The following TGFBRAP1 variants were observed in gnomAD, a reference collection of about 807,000 sequenced individuals.
TGFBRAP1 encodes the protein transforming growth factor-beta receptor-associated protein 1.
In TGFBRAP1, 20 loss-of-function variants were observed where a neutral mutation model predicts 83.2. The observed-to-expected ratio is 0.24, with a 90% CI of 0.17 to 0.35. The LOEUF (loss-of-function observed/expected upper bound fraction) is 0.35, where lower values mean the gene tolerates loss of function less well. Ranked by LOEUF, TGFBRAP1 falls within the 10% of genes least tolerant of loss-of-function variation. The probability of loss-of-function intolerance (pLI) is 1.00; values close to 1 mark genes in which losing one functional copy is unlikely to be tolerated. For synonymous variants in TGFBRAP1, 415 were observed against 459.8 expected, an observed-to-expected ratio of 0.90 and a Z score of 1.25; for missense variants, 950 against 1,099.4, an observed-to-expected ratio of 0.86 and a Z score of 1.92.
chr2:105,270,044 C>G (rs899070235), intron 10 of TGFBRAP1, among the ~76,000 whole-genome samples: 8 of 152,176 alleles, frequency 5.3e-5, no homozygotes, highest in African/African-American at 1.9e-4. Flanking sequence ...GGTCTCCAGT[C>G]ACTCCATCAT....
intron 1 of TGFBRAP1, among the ~76,000 whole-genome samples, chr2:105,327,959 G>A (rs1327911023): frequency 6.6e-6 from 1 of 152,164 alleles, no homozygotes; most frequent in Non-Finnish European, 1.5e-5. Flanking sequence ...CATTTGTTAG[G>A]TTAACAATTA....
intron 4 of TGFBRAP1, among the ~76,000 whole-genome samples, chr2:105,295,505 C>T (rs1383037204): frequency 1.3e-5 from 2 of 152,036 alleles, no homozygotes; most frequent in Non-Finnish European, 2.9e-5. Context: ...ATGAGTGTTT[C>T]TTAAGTGCAT....
intron 1 of TGFBRAP1, among the ~76,000 whole-genome samples, chr2:105,316,487 A>C (rs1430012385): frequency 7.4e-6 from 1 of 135,778 alleles, no homozygotes; most frequent in Non-Finnish European, 1.6e-5. Context: ...GCGCACGCGC[A>C]CATAACTCAA....
chr2:105,307,501 G>T (rs1678541790), intron 2 of TGFBRAP1, 113 bp downstream of exon 2: 6 of 1,146,116 alleles, frequency 5.2e-6, no homozygotes, highest in East Asian at 4.7e-5. Context: ...TGCCACACAC[G>T]CCCAATGTCA....
intron 4 of TGFBRAP1, among the ~76,000 whole-genome samples, chr2:105,294,528 C>A (rs752639401): frequency 6.6e-6 from 1 of 152,072 alleles, no homozygotes; most frequent in Non-Finnish European, 1.5e-5. Context: ...AAAACGTGGG[C>A]AAAAGTGAGC....
intron 6 of TGFBRAP1, among the ~76,000 whole-genome samples, chr2:105,280,166 G>A (rs928438246): frequency 6.6e-6 from 1 of 151,986 alleles, no homozygotes; most frequent in Non-Finnish European, 1.5e-5. Flanking sequence ...TGCCCTCCAA[G>A]ACCCCTTCAA....
At chr2:105,305,810 C>T (rs1385310096) in intron 2 of TGFBRAP1, among the ~76,000 whole-genome samples, 1 of 152,026 alleles carries the variant, frequency 6.6e-6, no homozygotes, top group Admixed American at 6.6e-5. Flanking sequence ...TGCCCACCAC[C>T]ACACCAGGCT....
chr2:105,320,415 T>C (rs1053017634), intron 1 of TGFBRAP1, among the ~76,000 whole-genome samples: 1 of 152,118 alleles, frequency 6.6e-6, no homozygotes, highest in Non-Finnish European at 1.5e-5. Flanking sequence ...TTTTTCTTTA[T>C]GATAGTCCAT....
At chr2:105,267,854 G>C in intron 11 of TGFBRAP1, 2 of 985,414 alleles carry the variant, frequency 2.0e-6, no homozygotes, top group Non-Finnish European at 2.4e-6. Context: ...CTCTGGCTCT[G>C]ATCATTTCAA....
chr2:105,292,693 TAAAAC>T (rs895507236), intron 4 of TGFBRAP1, among the ~76,000 whole-genome samples: 2 of 149,702 alleles, frequency 1.3e-5, no homozygotes, highest in African/African-American at 4.9e-5. Context: ...TATATGCAAA[TAAAAC>T]AGACCAGACA....
intron 1 of TGFBRAP1, among the ~76,000 whole-genome samples, chr2:105,312,731 A>T (rs939831641): frequency 6.6e-6 from 1 of 152,244 alleles, no homozygotes; most frequent in African/African-American, 2.4e-5. Context: ...ATCTTTAAAG[A>T]TGCTAATGTA....
intron 2 of TGFBRAP1, among the ~76,000 whole-genome samples, chr2:105,307,351 C>T (rs1678536479): frequency 6.6e-6 from 1 of 152,202 alleles, no homozygotes; most frequent in South Asian, 2.1e-4. Context: ...AATATCCCCA[C>T]TTCCCGGTAA....
intron 7 of TGFBRAP1, among the ~76,000 whole-genome samples, chr2:105,276,756 G>T (rs1044770801): frequency 5.3e-5 from 8 of 152,168 alleles, no homozygotes; most frequent in Non-Finnish European, 1.2e-4. Context: ...TTGGGTACGT[G>T]TTAATTCACC....
the TGFBRAP1 span, among the ~76,000 whole-genome samples, chr2:105,252,867 C>T: frequency 6.6e-6 from 1 of 150,418 alleles, no homozygotes; most frequent in African/African-American, 2.5e-5. Flanking sequence ...ATTCTCCTGC[C>T]TCAGCCTCCC....
At chr2:105,328,109 A>G (rs1363325304) in intron 1 of TGFBRAP1, among the ~76,000 whole-genome samples, 5 of 152,186 alleles carry the variant, frequency 3.3e-5, no homozygotes, top group Admixed American at 3.3e-4. Context: ...ACAATTTCTT[A>G]TTAGAATTCA....
In TGFBRAP1 at chr2:105,280,676, AG is replaced by A; in HGVS notation, c.1168del (p.Leu390CysfsTer21). 1 of 1,614,154 alleles carries A rather than the reference AG, an allele frequency of 6.2e-7. No individual in the cohort carries two copies. The highest frequency in any genetic ancestry group is 1.7e-5 in the Admixed American group (1 of 60,024). ...VRELISLYPFLLPTSSSFTRS... is the reference protein window; with the variant it reads ...VRELISLYPFXLPTSSSFTRS... ...GGTGAAGGAGGAGGAGGTGGGCAAC[AG>A]GAAGGGGTAGAGAGAGATCAGCTCC... On this transcript the variant is annotated frameshift_variant, in exon 6 of 12. Transcript: ENST00000393359. LOFTEE classifies it high-confidence loss of function.
chr2:105,267,746 C>G (rs1349439693), intron 11 of TGFBRAP1, 187 bp from the exon 12 acceptor site: 5 of 985,264 alleles, frequency 5.1e-6, no homozygotes, highest in African/African-American at 1.7e-5. Context: ...AGTAACTGGA[C>G]AAGGAAGAAA....
chr2:105,318,723 G>C lies in TGFBRAP1; in HGVS notation c.-17-10405C>G, dbSNP rs530661574. 3.9e-5 allele frequency among the ~76,000 whole-genome samples: 6 copies of C among 152,184 alleles called. No homozygotes were observed. The South Asian group carries it at 1.2e-3, about 32-fold the overall frequency. On this transcript the variant is annotated intron_variant, in intron 1 of 11. Transcript: ENST00000393359. ...CTCAGGATATCAAAGTCCAATTTGG[G>C]GCATTCCATCCATCATTTCCCATAA... is the stretch of plus-strand genomic sequence containing the variant.
At chr2:105,316,569 C>T (rs1224955553) in intron 1 of TGFBRAP1, among the ~76,000 whole-genome samples, 1 of 151,848 alleles carries the variant, frequency 6.6e-6, no homozygotes, top group African/African-American at 2.4e-5. Flanking sequence ...AATCCCAGCA[C>T]TTTGGGAGGC....
Sources: gnomAD v4.1 joint callset for allele counts (sites outside exome capture counted in the v4.1 genomes callset) on GRCh38, gnomAD v4.1.1 for gene constraint, MANE v1.5 for transcripts, NCBI Gene and HGNC (gene_info 2026-07-23, HGNC 2026-07-21) for gene names.